SH2D1A: variants seen among roughly 807,000 people sequenced by gnomAD.
The protein encoded by SH2D1A is SH2 domain-containing protein 1A.
SH2D1A carries 6 observed loss-of-function variants against 10.1 expected under a neutral mutation model. The observed-to-expected ratio is 0.60, with a 90% CI of 0.33 to 1.18. The LOEUF (loss-of-function observed/expected upper bound fraction) is 1.18. Among genes scored for constraint, SH2D1A ranks in the 50% most tolerant of loss-of-function variants. SH2D1A has a pLI of 0.04. For synonymous variants in SH2D1A, 42 were observed against 36.9 expected (o/e 1.14, Z -0.51); for missense variants, 51 against 97.6 (o/e 0.52, Z 2.01).
chrX:124,353,010 T>C (rs1355595952), intron 1 of SH2D1A: 6 of 114,169 alleles, frequency 5.3e-5, no homozygotes, highest in African/African-American at 1.9e-4. Flanking sequence ...TTCTTACATA[T>C]AGAAATGATA....
chrX:124,359,317 C>T (rs1255225433), intron 1 of SH2D1A, among the ~76,000 whole-genome samples: 2 of 111,899 alleles, frequency 1.8e-5, no homozygotes, highest in African/African-American at 6.5e-5. Flanking sequence ...GAGATAGAGT[C>T]ATTGTATTTT....
intron 1 of SH2D1A, among the ~76,000 whole-genome samples, chrX:124,364,711 G>A (rs961810236): frequency 3.6e-5 from 4 of 110,862 alleles, no homozygotes; most frequent in African/African-American, 1.3e-4. Context: ...ATGGGGTTTC[G>A]TTGTGTTAAC....
chrX:124,368,984 A>G (rs773998984), intron 2 of SH2D1A, among the ~76,000 whole-genome samples: 5 of 111,334 alleles, frequency 4.5e-5, no homozygotes, highest in Admixed American at 9.6e-5. Flanking sequence ...AGAGTGTTCT[A>G]CATCTACTGT....
At chrX:124,366,876 A>AACACACACACACAC (rs59536671) in intron 2 of SH2D1A, among the ~76,000 whole-genome samples, 8 of 87,089 alleles carry the variant, frequency 9.2e-5, no homozygotes, top group Admixed American at 2.6e-4. Context: ...TATACTGACA[A>AACACACACACACAC]ACACACACAC....
Position 124,372,837 on chromosome X carries a change from T to G in SH2D1A, c.*1446T>G. The G allele has an allele frequency of 6.1e-6, 1 of 162,950 alleles. No homozygotes were observed. The highest frequency in any genetic ancestry group is 9.1e-5 in the East Asian group (1 of 10,956). 13.4% of individuals were successfully genotyped at this position (162,950 alleles called of 1,213,427 possible). On this transcript the variant is annotated 3_prime_UTR_variant, in exon 4 of 4. Coordinates refer to ENST00000371139, the MANE Select transcript of SH2D1A (RefSeq NM_002351.5). ...TATGGATGCCGTGGGAGTACAAAAG[T>G]GGAGTGTGGCCTGAGTAATGCATTA...
rs768667838 is a variant in SH2D1A, at chrX:124,365,855, G to A, written c.201+31G>A. On this transcript the variant is annotated intron_variant, in intron 2 of 3. Coordinates refer to ENST00000371139, the MANE Select transcript of SH2D1A (RefSeq NM_002351.5). Reference sequence around the variant, plus strand: ...GTTGTATTTATTTTTGCTTCTGGGGGTGTCAAGGAGGTATTTGAAATTTAG... The same window carrying A: ...GTTGTATTTATTTTTGCTTCTGGGGATGTCAAGGAGGTATTTGAAATTTAG... The A allele has an allele frequency of 3.3e-6, 3 of 920,558 alleles. No homozygotes were observed. The East Asian group carries it at 9.3e-5, about 28-fold the overall frequency. The allele number at this position is 920,558 out of a possible 1,213,427, so 75.9% of individuals were successfully genotyped here.
At position 124,360,618 on chromosome X, in the gene SH2D1A, A is replaced by C. The variant is rs760876645; in HGVS notation, c.138-5143A>C. ...ACACCATTAAAAAAAAAAAAAAAAAAAAAAAAGCATGTGTCCTAACCAAAA... is the reference window on the plus strand; with the variant it reads ...ACACCATTAAAAAAAAAAAAAAAAACAAAAAAGCATGTGTCCTAACCAAAA... On this transcript the variant is annotated intron_variant, in intron 1 of 3. Coordinates refer to ENST00000371139, the MANE Select transcript of SH2D1A (RefSeq NM_002351.5). Among the ~76,000 whole-genome samples the C allele has an allele frequency of 3.7e-3, 375 of 102,611 alleles. 4 individuals are homozygous for C. Among genetic ancestry groups the C allele is most frequent in the African/African-American group, 0.013 (360 of 28,242 alleles). 89.1% of individuals were successfully genotyped at this position (102,611 alleles called of 115,157 possible). A position where few individuals can be genotyped will look rare whatever the true frequency, so the allele number is the denominator to read the frequency against.
chrX:124,373,026 A>T lies in SH2D1A; in HGVS notation c.*1635A>T, dbSNP rs1434930356. On this transcript the variant is annotated 3_prime_UTR_variant, in exon 4 of 4. Coordinates refer to ENST00000371139, the MANE Select transcript of SH2D1A (RefSeq NM_002351.5). ...CTAATTTTAACTCTATAATGTGTTC[A>T]TTCTGGAATAATCCTAAACATATGA... The T allele has an allele frequency of 6.4e-6, 1 of 156,476 alleles. No individual in the cohort carries two copies. The highest frequency in any genetic ancestry group is 1.2e-5 in the Non-Finnish European group (1 of 80,335). 12.9% of individuals were successfully genotyped at this position (156,476 alleles called of 1,213,427 possible).
chrX:124,355,923 T>A (rs946898202), intron 1 of SH2D1A, among the ~76,000 whole-genome samples: 1 of 111,315 alleles, frequency 9.0e-6, no homozygotes, highest in Non-Finnish European at 1.9e-5. Context: ...GTGTGTTTTT[T>A]TTAATACTTT....
chrX:124,353,430 A>T (rs1232587421), intron 1 of SH2D1A, among the ~76,000 whole-genome samples: 2 of 111,272 alleles, frequency 1.8e-5, no homozygotes, highest in Non-Finnish European at 3.8e-5. Flanking sequence ...TACTGATTTT[A>T]TGTTCTGTTC....
intron 1 of SH2D1A, among the ~76,000 whole-genome samples, chrX:124,348,676 T>G (rs2060000022): frequency 8.9e-6 from 1 of 111,965 alleles, no homozygotes; most frequent in Admixed American, 9.5e-5. Flanking sequence ...AACTATCTGA[T>G]AATTTGCTTG....
chrX:124,367,002 G>C (rs1281086020), intron 2 of SH2D1A, among the ~76,000 whole-genome samples: 3 of 109,874 alleles, frequency 2.7e-5, no homozygotes, highest in Non-Finnish European at 5.7e-5. Flanking sequence ...TGTAAGGAAA[G>C]GATCTTAAAT....
chrX:124,356,263 A>G (rs1252310104), intron 1 of SH2D1A, among the ~76,000 whole-genome samples: 1 of 110,154 alleles, frequency 9.1e-6, no homozygotes, highest in Admixed American at 9.7e-5. Context: ...ATAGTATTCC[A>G]TGGTGTATAT....
At chrX:124,348,109 AG>A (rs1196371515) in intron 1 of SH2D1A, among the ~76,000 whole-genome samples, 6 of 112,057 alleles carry the variant, frequency 5.4e-5, no homozygotes, top group Admixed American at 3.8e-4. Context: ...GGCAGCTCTC[AG>A]GTCATGCTAA....
intron 1 of SH2D1A, among the ~76,000 whole-genome samples, chrX:124,353,735 T>C (rs2060020488): frequency 8.9e-6 from 1 of 112,455 alleles, no homozygotes; most frequent in African/African-American, 3.2e-5. Context: ...CTTTGTTTGC[T>C]ACTTATCTGA....
intron 1 of SH2D1A, among the ~76,000 whole-genome samples, chrX:124,352,994 G>A (rs903259794): frequency 9.0e-6 from 1 of 111,630 alleles, no homozygotes; most frequent in Non-Finnish European, 1.9e-5. Flanking sequence ...GAGAGTACTT[G>A]AAATGTTCTT....
chrX:124,370,146 A>G (rs1269164415), intron 2 of SH2D1A, 30 bp from the exon 3 acceptor site: 4 of 1,129,945 alleles, frequency 3.5e-6, no homozygotes, highest in Non-Finnish European at 4.9e-6. Flanking sequence ...TGAGATAGGT[A>G]AATAATTTGC....
At chrX:124,365,083 A>G (rs1188343855) in intron 1 of SH2D1A, among the ~76,000 whole-genome samples, 1 of 111,192 alleles carries the variant, frequency 9.0e-6, no homozygotes, top group Non-Finnish European at 1.9e-5. Context: ...AGGCTATACC[A>G]CATAGCCTAG....
intron 1 of SH2D1A, 63 bp from the exon 2 acceptor site, chrX:124,365,698 C>G (rs906389529): frequency 6.7e-6 from 5 of 747,489 alleles, no homozygotes; most frequent in East Asian, 3.2e-5. Flanking sequence ...ATATTAAGCT[C>G]AAATTTAAAG....
Sources: allele counts gnomAD v4.1 joint callset (sites outside exome capture counted in the v4.1 genomes callset), GRCh38; gene constraint gnomAD v4.1.1; transcripts MANE v1.5; gene names NCBI Gene and HGNC (gene_info 2026-07-23, HGNC 2026-07-21).